EML1: variants seen among roughly 807,000 people sequenced by gnomAD.
EML1 encodes the protein echinoderm microtubule-associated protein-like 1.
EML1 carries 27 observed loss-of-function variants against 110.4 expected under a neutral mutation model. The ratio of observed to expected loss-of-function variants is 0.24; its 90% CI spans 0.18 to 0.34. The LOEUF is 0.34. EML1 is among the 10% of genes least tolerant of loss of function. The pLI is 1.00. For missense variants in EML1, 741 were observed against 1,030.9 expected (o/e 0.72, Z 3.85); for synonymous variants, 344 against 385.8 (o/e 0.89, Z 1.27).
chr14:99,913,889 C>G (rs997979379), intron 13 of EML1, among the ~76,000 whole-genome samples: 1 of 151,392 alleles, frequency 6.6e-6, no homozygotes, highest in Non-Finnish European at 1.5e-5. Flanking sequence ...GGGGTTTCAT[C>G]ATGTTGCCCA....
At chr14:99,782,113 T>C (rs1395400390) in intron 1 of EML1, among the ~76,000 whole-genome samples, 1 of 152,164 alleles carries the variant, frequency 6.6e-6, no homozygotes, top group Non-Finnish European at 1.5e-5. Flanking sequence ...CTTGCATGCT[T>C]GGGTAGAATC....
chr14:99,884,805 G>A (rs2059446659), intron 4 of EML1, among the ~76,000 whole-genome samples: 1 of 152,194 alleles, frequency 6.6e-6, no homozygotes. Context: ...GAGGAGGAGG[G>A]GTTTTCCCCT....
At chr14:99,900,845 G>A (rs773547810) in intron 8 of EML1, 84 bp from the exon 9 acceptor site, 33 of 1,182,326 alleles carry the variant, frequency 2.8e-5, no homozygotes, top group Non-Finnish European at 4.0e-5. Context: ...CCGAGTTACT[G>A]CCCAAGTAAT....
chr14:99,869,743 G>T (rs546476249), intron 3 of EML1, among the ~76,000 whole-genome samples: 4 of 152,266 alleles, frequency 2.6e-5, no homozygotes, highest in South Asian at 4.2e-4. Flanking sequence ...CCTCATGAAC[G>T]TATTGGTGCT....
chr14:99,865,597 C>T lies in EML1; in HGVS notation c.334C>T (p.Pro112Ser). ...ACCAAAGAAACCTACTGGCTCTCTA[C>T]CATCCCCCTCCGGGGTCAGGAAAGA... ...VLPKKPTGSL[P>S]SPSGVRKETA... The change falls in exon 3 of 22, where the codon CCA (proline) becomes TCA (serine). Residue 112 changes from proline (P) to serine (S), a missense_variant. Physicochemically the swap from Pro to Ser is moderately conservative, Grantham distance 74 (BLOSUM62 -1). Around this residue, in one of 4 missense-constraint regions of EML1, gnomAD observed 226 missense variants for 255.6 expected, o/e 0.88. Transcript: ENST00000262233. 4 of 1,614,210 alleles carry T rather than the reference C, an allele frequency of 2.5e-6. No individual in the cohort carries two copies. Among genetic ancestry groups the T allele is most frequent in the Non-Finnish European group, 3.4e-6 (4 of 1,180,038 alleles).
At chr14:99,890,390 C>T (rs778037075) in intron 4 of EML1, among the ~76,000 whole-genome samples, 4 of 152,224 alleles carry the variant, frequency 2.6e-5, no homozygotes, top group Non-Finnish European at 4.4e-5. Flanking sequence ...GGAATGGAGA[C>T]GGTGCCATCT....
At chr14:99,762,017 C>T (rs2057319337) in intron 1 of EML1, among the ~76,000 whole-genome samples, 1 of 151,762 alleles carries the variant, frequency 6.6e-6, no homozygotes, top group South Asian at 2.1e-4. Flanking sequence ...GAAGGGTAAC[C>T]TGATTGGAAA....
rs760811233 is a variant in EML1, at chr14:99,909,396, A to G, written c.1156A>G (p.Ile386Val). 6 of 1,614,058 alleles carry G rather than the reference A, an allele frequency of 3.7e-6. No individual in the cohort carries two copies. The African/African-American group carries it at 4.0e-5, about 11-fold the overall frequency. Residue 386 changes from isoleucine to valine, a missense_variant, in exon 11 of 22, where the codon ATC (isoleucine) becomes GTC (valine). This residue lies in a region of EML1 where 388 missense variants were observed against 605.6 expected (regional missense o/e 0.64). Coordinates refer to ENST00000262233, the MANE Select transcript of EML1 (RefSeq NM_004434.3). ...AADFHPTDTN[I>V]IVTCGKSHLY... ...GGATTTCCACCCCACGGACACCAAC[A>G]TCATAGTTACTTGTGGAAAATCACA...
At position 99,784,705 on chromosome 14, in the gene EML1, C is replaced by T. The variant is rs763036673; in HGVS notation, c.-27+10692C>T. Among the ~76,000 whole-genome samples, 5 of 152,376 alleles carry T rather than the reference C, an allele frequency of 3.3e-5. No individual in the cohort carries two copies. In the East Asian group the frequency reaches 7.7e-4, roughly 23 times the overall value. On this transcript the variant is annotated intron_variant, in intron 1 of 22. Coordinates refer to the EML1 transcript ENST00000327921. This position sits in a 1 kb window ranked among gnomAD's most constrained non-coding sequence, Gnocchi z 4.5. ...TGTTTCTCGGCCAGTGCCTCTCCCC[C>T]ATTCCAGCCCATCCAGGCCGGATGA... is the stretch of plus-strand genomic sequence containing the variant.
chr14:99,801,117 A>G (rs773897112), intron 1 of EML1, among the ~76,000 whole-genome samples: 12 of 152,240 alleles, frequency 7.9e-5, no homozygotes, highest in Non-Finnish European at 1.8e-4. Flanking sequence ...ACCGTCCTGG[A>G]CTGCAGATTC....
At position 99,936,110 on chromosome 14, in the gene EML1, G is replaced by A; in HGVS notation, c.1991G>A (p.Arg664Gln). 4 of 1,614,114 alleles carry A rather than the reference G, an allele frequency of 2.5e-6. No homozygotes were observed. Among genetic ancestry groups the A allele is most frequent in the East Asian group, 2.2e-5 (1 of 44,880 alleles). ...AGTGACAACGGGAGGAAGTACACGC[G>A]AGTGGGCAAGTGCTCGGTAAGCGCT... ...GVSDNGRKYT[R>Q]VGKCSGHSSF... The change falls in exon 18 of 22, where the codon CGA becomes CAA. Residue 664 changes from arginine to glutamine, a missense_variant. Arg to Gln is a conservative substitution (Grantham distance 43). This residue lies in a region of EML1 where 388 missense variants were observed against 605.6 expected (regional missense o/e 0.64). Transcript: ENST00000262233. The surrounding 1 kb of genome is among the most constrained non-coding windows in gnomAD (Gnocchi z 5.5).
intron 1 of EML1, among the ~76,000 whole-genome samples, chr14:99,836,719 T>C (rs1388260895): frequency 2.6e-5 from 4 of 152,198 alleles, no homozygotes; most frequent in Non-Finnish European, 5.9e-5. Flanking sequence ...TCAGACGTTG[T>C]GAATTTTGCC....
chr14:99,861,309 A>G (rs977939768), intron 2 of EML1, among the ~76,000 whole-genome samples: 4 of 152,204 alleles, frequency 2.6e-5, no homozygotes, highest in Non-Finnish European at 5.9e-5. Context: ...GGGAGCATGG[A>G]GGAGGCCCCA....
At chr14:99,749,766 T>C (rs2057154290) in intron 1 of EML1, among the ~76,000 whole-genome samples, 1 of 152,214 alleles carries the variant, frequency 6.6e-6, no homozygotes, top group Non-Finnish European at 1.5e-5. Context: ...TGCTCTGCTG[T>C]TCTGCGGCAG....
At chr14:99,885,967 T>A in intron 4 of EML1, 1 of 445,526 alleles carries the variant, frequency 2.2e-6, no homozygotes, top group Non-Finnish European at 4.5e-6. Flanking sequence ...TTCCACCATG[T>A]TAAGCTGGGA....
chr14:99,840,212 A>G (rs909211582), intron 1 of EML1, among the ~76,000 whole-genome samples: 1 of 152,228 alleles, frequency 6.6e-6, no homozygotes, highest in African/African-American at 2.4e-5. Context: ...TTAAACTACT[A>G]AATCTGGTAA....
intron 2 of EML1, among the ~76,000 whole-genome samples, chr14:99,862,270 C>T (rs1206171784): frequency 6.6e-6 from 1 of 152,218 alleles, no homozygotes; most frequent in Non-Finnish European, 1.5e-5. Flanking sequence ...TCCAAGGGTG[C>T]ATGCTATCAA....
In EML1 at chr14:99,805,293, T is replaced by C. The variant is rs557511290; in HGVS notation, c.67+11750T>C. Among the ~76,000 whole-genome samples, 7 of 152,342 alleles carry C rather than the reference T, an allele frequency of 4.6e-5. No individual in the cohort carries two copies. In the South Asian group the frequency reaches 1.2e-3, roughly 27 times the overall value. The stretch of plus-strand genomic sequence containing the variant: ...AACAAAAGAGTTCAGAGTGGAAATA[T>C]TAAATGGTACTTTGAGTCGTGCCTA... On this transcript the variant is annotated intron_variant, in intron 1 of 21. Transcript: ENST00000262233.
rs538027437 is a variant in EML1, at chr14:99,932,671, C to T, written c.1910-3358C>T. On this transcript the variant is annotated intron_variant, in intron 17 of 21. Coordinates refer to ENST00000262233, the MANE Select transcript of EML1 (RefSeq NM_004434.3). The stretch of plus-strand genomic sequence containing the variant: ...TAAAAAAAAAAAAAAAAAGATATGG[C>T]GATGGTGATTATGCAGGTGTAGTTG... Among the ~76,000 whole-genome samples, 20 of 147,198 alleles carry T rather than the reference C, an allele frequency of 1.4e-4. 1 individual carries two copies. Among genetic ancestry groups the T allele is most frequent in the Middle Eastern group, 3.5e-3 (1 of 286 alleles).
Sources: allele counts gnomAD v4.1 joint callset (sites outside exome capture counted in the v4.1 genomes callset), GRCh38; gene constraint gnomAD v4.1.1; regional missense constraint gnomAD v4.1.1; non-coding constraint Gnocchi (gnomAD v3.1); transcripts MANE v1.5; gene names NCBI Gene and HGNC (gene_info 2026-07-23, HGNC 2026-07-21).